Variants in NEDD4L observed in about 807,000 individuals in gnomAD.
NEDD4L encodes the protein NEDD4 like E3 ubiquitin protein ligase.
In NEDD4L, 54 loss-of-function variants were observed where a neutral mutation model predicts 148.9. The observed-to-expected ratio is 0.36, with a 90% CI of 0.29 to 0.45. The LOEUF is 0.45. Among genes scored for constraint, NEDD4L ranks in the 20% least tolerant of loss-of-function variants. The pLI, the probability that NEDD4L is intolerant of heterozygous loss-of-function variation, is 1.00. For missense variants in NEDD4L, 856 were observed against 1,233.8 expected, an observed-to-expected ratio of 0.69 and a Z score of 4.59; for synonymous variants, 433 against 440.7, an observed-to-expected ratio of 0.98 and a Z score of 0.22.
chr18:58,208,307 CA>C (rs1024637512), intron 2 of NEDD4L, among the ~76,000 whole-genome samples: 1 of 152,178 alleles, frequency 6.6e-6, no homozygotes, highest in African/African-American at 2.4e-5. Flanking sequence ...CTCTAACTAA[CA>C]GATAAATTAT....
chr18:58,367,720 G>A (rs762448043), intron 21 of NEDD4L, 26 bp from the exon 22 acceptor site: 2 of 1,612,110 alleles, frequency 1.2e-6, no homozygotes, highest in Non-Finnish European at 1.7e-6. Context: ...GTGTGATTGG[G>A]CTTTTCTTCT....
intron 6 of NEDD4L, among the ~76,000 whole-genome samples, chr18:58,318,149 A>G (rs533558420): frequency 5.9e-5 from 9 of 152,242 alleles, no homozygotes; most frequent in African/African-American, 2.2e-4. Flanking sequence ...ATATGCGTGT[A>G]TTTTGTGGAT....
chr18:58,179,882 C>T (rs973584729), intron 2 of NEDD4L, among the ~76,000 whole-genome samples: 3 of 152,052 alleles, frequency 2.0e-5, no homozygotes, highest in African/African-American at 7.2e-5. Flanking sequence ...AAATGTAATG[C>T]CCTTGAATCA....
intron 2 of NEDD4L, among the ~76,000 whole-genome samples, chr18:58,231,921 G>A (rs1247344911): frequency 1.3e-5 from 2 of 152,174 alleles, no homozygotes; most frequent in Non-Finnish European, 2.9e-5. Context: ...CGGAAGCATA[G>A]GGCAAAAGTA....
At chr18:58,394,348 G>A (rs866968541) in intron 30 of NEDD4L, among the ~76,000 whole-genome samples, 14 of 152,344 alleles carry the variant, frequency 9.2e-5, no homozygotes, top group East Asian at 1.9e-4. Flanking sequence ...TTGACATCCC[G>A]TCTTTGCCTC....
intron 5 of NEDD4L, among the ~76,000 whole-genome samples, chr18:58,260,521 C>T (rs1005033177): frequency 6.6e-6 from 1 of 152,188 alleles, no homozygotes; most frequent in African/African-American, 2.4e-5. Flanking sequence ...ATTGTGGAGG[C>T]ATTATCTCAC....
chr18:58,107,556 A>G (rs191850942), intron 1 of NEDD4L, among the ~76,000 whole-genome samples: 1 of 152,258 alleles, frequency 6.6e-6, no homozygotes, highest in Admixed American at 6.5e-5. Flanking sequence ...TGTCTCTACA[A>G]AAATTACAAA....
At chr18:58,124,807 C>T (rs1257397024) in intron 1 of NEDD4L, among the ~76,000 whole-genome samples, 1 of 152,178 alleles carries the variant, frequency 6.6e-6, no homozygotes, top group East Asian at 1.9e-4. Flanking sequence ...TGAGTGCTTC[C>T]TATGTGCCTG....
At chr18:58,211,643 G>C (rs1166624683) in intron 2 of NEDD4L, among the ~76,000 whole-genome samples, 1 of 152,186 alleles carries the variant, frequency 6.6e-6, no homozygotes, top group Non-Finnish European at 1.5e-5. Context: ...AGTCTTTATA[G>C]AAGAATAAAT....
intron 22 of NEDD4L, among the ~76,000 whole-genome samples, chr18:58,369,821 G>C (rs533028618): frequency 6.6e-6 from 1 of 152,184 alleles, no homozygotes; most frequent in Non-Finnish European, 1.5e-5. Context: ...GTCCCTCCGC[G>C]GGGGGTTGCA....
chr18:58,279,376 T>C (rs1200090870), intron 5 of NEDD4L, among the ~76,000 whole-genome samples: 1 of 152,002 alleles, frequency 6.6e-6, no homozygotes, highest in Non-Finnish European at 1.5e-5. Flanking sequence ...ATTCTCAGGA[T>C]TGAGGATGCT....
At chr18:58,164,227 C>G (rs532285993) in intron 1 of NEDD4L, among the ~76,000 whole-genome samples, 5 of 152,192 alleles carry the variant, frequency 3.3e-5, no homozygotes, top group Admixed American at 2.0e-4. Flanking sequence ...CTGTTCCATC[C>G]CGCACACCCC....
At chr18:58,255,602 T>C in intron 5 of NEDD4L, 1 of 1,232,422 alleles carries the variant, frequency 8.1e-7, no homozygotes, top group Non-Finnish European at 1.0e-6. Context: ...GGGCCTGTTG[T>C]TGCCGCTTGC....
At position 58,390,637 on chromosome 18, in the gene NEDD4L, T is replaced by G. The variant is rs771034509; in HGVS notation, c.2656-9T>G. 2 of 1,569,180 alleles carry G rather than the reference T, an allele frequency of 1.3e-6. No individual in the cohort carries two copies. The highest frequency in any genetic ancestry group is 2.3e-5 in the South Asian group (2 of 85,696). ...GGGGGGTATAATGACCTTCTGCCTC[T>G]GTTCATAGGCTGTGCTACTCATGGA... On this transcript the variant is annotated splice_polypyrimidine_tract_variant and intron_variant, in intron 28 of 30. Coordinates refer to ENST00000400345, the MANE Select transcript of NEDD4L (RefSeq NM_001144967.3).
intron 1 of NEDD4L, among the ~76,000 whole-genome samples, chr18:58,117,116 C>T (rs186155948): frequency 6.6e-6 from 1 of 152,344 alleles, no homozygotes; most frequent in Non-Finnish European, 1.5e-5. Context: ...AGATTTTCCT[C>T]TTCTGGAGCA....
At chr18:58,124,494 C>T (rs1466216339) in intron 1 of NEDD4L, among the ~76,000 whole-genome samples, 8 of 152,344 alleles carry the variant, frequency 5.3e-5, no homozygotes, top group African/African-American at 1.9e-4. Flanking sequence ...CCATCCCAAA[C>T]CTTCCAACAC....
At chr18:58,068,184 A>G (rs1461286886) in intron 1 of NEDD4L, among the ~76,000 whole-genome samples, 3 of 143,894 alleles carry the variant, frequency 2.1e-5, no homozygotes, top group Non-Finnish European at 4.5e-5. Context: ...TTGAACTCCT[A>G]GAATTCTTTT....
chr18:58,113,508 A>C (rs890243897), intron 1 of NEDD4L, among the ~76,000 whole-genome samples: 2 of 152,114 alleles, frequency 1.3e-5, no homozygotes, highest in Non-Finnish European at 2.9e-5. Context: ...GCTGAGACCT[A>C]AAGGAAGGGG....
At chr18:58,379,162 G>A (rs1384714495) in intron 24 of NEDD4L, among the ~76,000 whole-genome samples, 1 of 152,212 alleles carries the variant, frequency 6.6e-6, no homozygotes, top group Non-Finnish European at 1.5e-5. Flanking sequence ...CACAGAGCAG[G>A]CTCTGCAGAC....
Sources: gnomAD v4.1 joint callset for allele counts (sites outside exome capture counted in the v4.1 genomes callset) on GRCh38, gnomAD v4.1.1 for gene constraint, MANE v1.5 for transcripts, NCBI Gene and HGNC (gene_info 2026-07-23, HGNC 2026-07-21) for gene names.